CRACD: variants seen among roughly 807,000 people sequenced by gnomAD.
CRACD encodes the protein capping protein inhibiting regulator of actin dynamics.
A neutral mutation model predicts 106.8 loss-of-function variants in CRACD; 56 were observed. The ratio of observed to expected loss-of-function variants is 0.52; its 90% CI spans 0.42 to 0.66. The LOEUF (loss-of-function observed/expected upper bound fraction) is 0.66. CRACD is among the 30% of genes least tolerant of loss of function. The pLI is 0.00. For missense variants in CRACD, 1,730 were observed against 1,623.2 expected, an observed-to-expected ratio of 1.07 and a Z score of -1.13; for synonymous variants, 754 against 670.8, an observed-to-expected ratio of 1.12 and a Z score of -1.92.
intron 2 of CRACD, among the ~76,000 whole-genome samples, chr4:56,228,238 G>C (rs1465469708): frequency 6.6e-6 from 1 of 152,064 alleles, no homozygotes; most frequent in Non-Finnish European, 1.5e-5. Flanking sequence ...ATCTGTACTG[G>C]ACAATGGTGT....
At chr4:56,201,269 T>G (rs1737866777) in intron 2 of CRACD, among the ~76,000 whole-genome samples, 1 of 152,232 alleles carries the variant, frequency 6.6e-6, no homozygotes, top group Non-Finnish European at 1.5e-5. Context: ...GGTGATGTGA[T>G]GCTTTCTAAA....
intron 4 of CRACD, among the ~76,000 whole-genome samples, chr4:56,307,018 G>C (rs1421109179): frequency 2.0e-5 from 3 of 152,232 alleles, no homozygotes; most frequent in African/African-American, 7.2e-5. Flanking sequence ...CTAAGGGCTG[G>C]TGAGGAAGGC....
chr4:56,075,274 T>G (rs1342232954), intron 1 of CRACD, among the ~76,000 whole-genome samples: 3 of 152,214 alleles, frequency 2.0e-5, no homozygotes, highest in Non-Finnish European at 4.4e-5. Context: ...CCAGCTCCTC[T>G]TTGTACCTCT....
At chr4:56,241,659 A>T (rs114728891) in intron 2 of CRACD, among the ~76,000 whole-genome samples, 452 of 152,320 alleles carry the variant, frequency 3.0e-3, no homozygotes, top group African/African-American at 0.011. Flanking sequence ...ACTGACAAAT[A>T]AACCAGAGAT....
At chr4:56,182,897 G>A (rs1736899301) in intron 2 of CRACD, among the ~76,000 whole-genome samples, 1 of 150,080 alleles carries the variant, frequency 6.7e-6, no homozygotes, top group South Asian at 2.1e-4. Context: ...GTGTGTGTGT[G>A]TGTGTATGGC....
intron 1 of CRACD, among the ~76,000 whole-genome samples, chr4:56,158,397 A>T (rs4865058): frequency 0.8 from 119,304 of 149,566 alleles, 47,389 homozygotes; most frequent in African/African-American, 0.86. Context: ...ATTTTTTTTT[A>T]AAAATAATTC....
rs143118345 is a variant in CRACD, at chr4:56,308,528, A to G, written c.285+829A>G. 3.9e-5 allele frequency among the ~76,000 whole-genome samples: 6 copies of G among 152,302 alleles called. No homozygotes were observed. The East Asian group carries it at 1.2e-3, about 29-fold the overall frequency. Reference sequence around the variant, plus strand: ...CCCATTCTCTAGGCTCTGCCTATCAAGACCCCTGGAATTTTGTTGGGTGTT... The same window carrying G: ...CCCATTCTCTAGGCTCTGCCTATCAGGACCCCTGGAATTTTGTTGGGTGTT... On this transcript the variant is annotated intron_variant, in intron 5 of 10. Coordinates refer to ENST00000682029, the MANE Select transcript of CRACD (RefSeq NM_001393381.1).
chr4:56,249,530 G>T lies in CRACD; in HGVS notation c.-188-22791G>T, dbSNP rs575366584. Among the ~76,000 whole-genome samples, 3 of 152,124 alleles carry T rather than the reference G, an allele frequency of 2.0e-5. No homozygotes were observed. The South Asian group carries it at 6.2e-4, about 32-fold the overall frequency. On this transcript the variant is annotated intron_variant, in intron 2 of 10. Coordinates refer to ENST00000682029, the MANE Select transcript of CRACD (RefSeq NM_001393381.1). ...TTTTCTCCCATTTTGTAGGTTGCCTGTTCACTCTGATGGTAGTTTCTTTTT... is the reference window on the plus strand; with the variant it reads ...TTTTCTCCCATTTTGTAGGTTGCCTTTTCACTCTGATGGTAGTTTCTTTTT...
At chr4:56,209,649 C>T (rs189935196) in intron 2 of CRACD, among the ~76,000 whole-genome samples, 7 of 152,186 alleles carry the variant, frequency 4.6e-5, no homozygotes, top group African/African-American at 1.2e-4. Context: ...TATTTAGCTT[C>T]TCTATACCAT....
At chr4:56,190,818 G>A (rs1737336570) in intron 2 of CRACD, among the ~76,000 whole-genome samples, 1 of 152,102 alleles carries the variant, frequency 6.6e-6, no homozygotes, top group South Asian at 2.1e-4. Context: ...ATTCTGTGTG[G>A]GGGGAATCCA....
chr4:56,287,991 G>C (rs116035263), intron 3 of CRACD, among the ~76,000 whole-genome samples: 39 of 152,310 alleles, frequency 2.6e-4, no homozygotes, highest in Non-Finnish European at 4.6e-4. Flanking sequence ...CTAGTCTGTA[G>C]CTAATGGTTC....
At chr4:56,295,520 A>G (rs1272044460) in intron 3 of CRACD, among the ~76,000 whole-genome samples, 1 of 151,860 alleles carries the variant, frequency 6.6e-6, no homozygotes, top group East Asian at 1.9e-4. Context: ...AGAGCAGGAG[A>G]GTGCCAATTC....
At chr4:56,243,046 C>T (rs1467763507) in intron 2 of CRACD, among the ~76,000 whole-genome samples, 1 of 152,148 alleles carries the variant, frequency 6.6e-6, no homozygotes, top group Non-Finnish European at 1.5e-5. Flanking sequence ...TCTATTTTCC[C>T]TTTATCCTTT....
chr4:56,194,654 C>T (rs1214056234), intron 2 of CRACD, among the ~76,000 whole-genome samples: 2 of 152,186 alleles, frequency 1.3e-5, no homozygotes, highest in Non-Finnish European at 2.9e-5. Context: ...CCTTCTGCCA[C>T]ATGAAGACAC....
chr4:56,085,539 TG>T (rs1167640942), intron 1 of CRACD, among the ~76,000 whole-genome samples: 1 of 152,222 alleles, frequency 6.6e-6, no homozygotes, highest in African/African-American at 2.4e-5. Context: ...TCTTAGAGGT[TG>T]GCAAAGTTTT....
intron 1 of CRACD, among the ~76,000 whole-genome samples, chr4:56,110,173 T>G (rs1305717112): frequency 6.6e-6 from 1 of 152,132 alleles, no homozygotes; most frequent in Non-Finnish European, 1.5e-5. Flanking sequence ...TTGAAACACA[T>G]AGATATAAGA....
At chr4:56,078,245 G>A (rs191232407) in intron 1 of CRACD, among the ~76,000 whole-genome samples, 25 of 151,888 alleles carry the variant, frequency 1.6e-4, no homozygotes, top group East Asian at 1.4e-3. Context: ...TGAAACTGGC[G>A]CCTGTGACTA....
At chr4:56,198,845 G>A (rs79364656) in intron 2 of CRACD, among the ~76,000 whole-genome samples, 3 of 152,144 alleles carry the variant, frequency 2.0e-5, no homozygotes, top group Non-Finnish European at 4.4e-5. Flanking sequence ...AACGTTAGAG[G>A]GGGGACTAGT....
intron 1 of CRACD, among the ~76,000 whole-genome samples, chr4:56,062,669 CCTT>C (rs1283272652): frequency 1.3e-5 from 2 of 152,162 alleles, no homozygotes; most frequent in Non-Finnish European, 2.9e-5. Flanking sequence ...TGATCTCTGA[CCTT>C]CTGCTGACGT....
Sources: allele counts gnomAD v4.1 joint callset (sites outside exome capture counted in the v4.1 genomes callset), GRCh38; gene constraint gnomAD v4.1.1; transcripts MANE v1.5; gene names NCBI Gene and HGNC (gene_info 2026-07-23, HGNC 2026-07-21).